The following HMCN1 variants were observed in gnomAD, a reference collection of about 807,000 sequenced individuals.
HMCN1 encodes hemicentin 1.
HMCN1 carries 321 observed loss-of-function variants against 625.9 expected under a neutral mutation model. The ratio of observed to expected loss-of-function variants is 0.51; its 90% CI spans 0.47 to 0.56. The LOEUF is 0.56. Ranked by LOEUF, HMCN1 falls within the 20% of genes least tolerant of loss-of-function variation. The pLI, the probability that HMCN1 is intolerant of heterozygous loss-of-function variation, is 0.00. For synonymous variants in HMCN1, 2,425 were observed against 2,417.6 expected (o/e 1.00, Z -0.09); for missense variants, 6,588 against 6,887.3 (o/e 0.96, Z 1.54).
At chr1:186,045,182 A>G (rs1656481082) in intron 40 of HMCN1, among the ~76,000 whole-genome samples, 2 of 152,192 alleles carry the variant, frequency 1.3e-5, no homozygotes, top group Admixed American at 1.3e-4. Context: ...TATTTTGCAC[A>G]AGGTATTATC....
intron 14 of HMCN1, among the ~76,000 whole-genome samples, chr1:185,969,389 C>T (rs904130911): frequency 6.6e-6 from 1 of 152,102 alleles, no homozygotes; most frequent in African/African-American, 2.4e-5. Context: ...TTGTGACCTC[C>T]TTGCCTTTGA....
At chr1:186,112,090 G>A (rs868723270) in intron 71 of HMCN1, among the ~76,000 whole-genome samples, 1 of 152,134 alleles carries the variant, frequency 6.6e-6, no homozygotes, top group African/African-American at 2.4e-5. Context: ...AGACTTAATA[G>A]CAGAGATTAG....
At chr1:185,766,366 C>G (rs765832219) in intron 1 of HMCN1, among the ~76,000 whole-genome samples, 6 of 152,200 alleles carry the variant, frequency 3.9e-5, no homozygotes, top group Non-Finnish European at 8.8e-5. Context: ...ATAACCCAGC[C>G]AACTTGAGCC....
At chr1:185,809,475 G>A (rs898961360) in intron 1 of HMCN1, among the ~76,000 whole-genome samples, 1 of 151,534 alleles carries the variant, frequency 6.6e-6, no homozygotes, top group Admixed American at 6.6e-5. Flanking sequence ...ATATACATGT[G>A]ATTACATATA....
Position 186,001,545 on chromosome 1 carries a change from G to A in HMCN1, c.4201-49G>A, listed in dbSNP as rs750749795. 149 of 1,607,202 alleles carry A rather than the reference G, an allele frequency of 9.3e-5. 1 individual carries two copies. The Admixed American group carries it at 1.7e-3, about 19-fold the overall frequency. ...ACATTCTACTTCAATTTTTAATTAT[G>A]CATTTTTATTAGGATTGGAAATAAC... On this transcript the variant is annotated intron_variant, in intron 27 of 106. Transcript: ENST00000271588.
At chr1:186,132,541 G>A (rs950757053) in intron 86 of HMCN1, 132 bp downstream of exon 86, 7 of 730,202 alleles carry the variant, frequency 9.6e-6, no homozygotes, top group Admixed American at 8.2e-5. Flanking sequence ...TTAGTTTTCT[G>A]CTGCTGATGG....
At chr1:185,736,058 G>A (rs1653546407) in intron 1 of HMCN1, among the ~76,000 whole-genome samples, 1 of 152,088 alleles carries the variant, frequency 6.6e-6, no homozygotes, top group South Asian at 2.1e-4. Flanking sequence ...GTGTGATATC[G>A]GCAATCTGAA....
intron 26 of HMCN1, 32 bp downstream of exon 26, chr1:186,000,271 T>A: frequency 6.7e-7 from 1 of 1,489,886 alleles, no homozygotes; most frequent in Non-Finnish European, 9.4e-7. Context: ...TAACTGACTG[T>A]TTGCCAGTCT....
At chr1:186,067,007 C>T (rs1658160103) in intron 49 of HMCN1, among the ~76,000 whole-genome samples, 1 of 152,126 alleles carries the variant, frequency 6.6e-6, no homozygotes, top group Non-Finnish European at 1.5e-5. Context: ...ACCTGAAATT[C>T]CCATAAGCAC....
intron 1 of HMCN1, among the ~76,000 whole-genome samples, chr1:185,801,792 G>A (rs1658812894): frequency 1.3e-5 from 2 of 152,176 alleles, no homozygotes; most frequent in Admixed American, 6.5e-5. Flanking sequence ...AAGGTGTGGA[G>A]GGAGTTAAGG....
chr1:185,914,306 A>G (rs1471033290), intron 6 of HMCN1, among the ~76,000 whole-genome samples: 1 of 152,124 alleles, frequency 6.6e-6, no homozygotes, highest in Non-Finnish European at 1.5e-5. Flanking sequence ...CTTTCTCAAG[A>G]TGAGAAATGT....
At chr1:185,747,819 T>C (rs1654520906) in intron 1 of HMCN1, among the ~76,000 whole-genome samples, 1 of 152,192 alleles carries the variant, frequency 6.6e-6, no homozygotes, top group Admixed American at 6.5e-5. Flanking sequence ...GAGCAATTTT[T>C]CCATTAGCAG....
chr1:186,076,031 T>G (rs899129728), intron 53 of HMCN1, among the ~76,000 whole-genome samples: 1 of 152,178 alleles, frequency 6.6e-6, no homozygotes, highest in Non-Finnish European at 1.5e-5. Flanking sequence ...TTTAGCCTTC[T>G]TAGTAAGCCA....
intron 4 of HMCN1, among the ~76,000 whole-genome samples, chr1:185,888,018 T>A (rs1250062866): frequency 1.4e-5 from 2 of 140,712 alleles, no homozygotes; most frequent in East Asian, 3.9e-4. Flanking sequence ...TGTGAGATGG[T>A]ATCTCATTGT....
At chr1:185,910,157 G>A (rs1666333071) in intron 5 of HMCN1, among the ~76,000 whole-genome samples, 2 of 151,822 alleles carry the variant, frequency 1.3e-5, no homozygotes, top group Non-Finnish European at 2.9e-5. Flanking sequence ...CCTAATATTT[G>A]CAAAATAGTT....
intron 104 of HMCN1, 141 bp from the exon 105 acceptor site, chr1:186,182,025 GCT>G (rs1056853396): frequency 2.4e-5 from 20 of 834,144 alleles, no homozygotes; most frequent in Non-Finnish European, 3.2e-5. Flanking sequence ...ATAGAAAATA[GCT>G]CTGAGCATTT....
chr1:186,183,162 T>TGTAAA (rs1166284135), intron 105 of HMCN1, among the ~76,000 whole-genome samples: 2 of 152,236 alleles, frequency 1.3e-5, no homozygotes, highest in Non-Finnish European at 2.9e-5. Context: ...TATATCCTTT[T>TGTAAA]GTAAAGTATA....
intron 6 of HMCN1, among the ~76,000 whole-genome samples, chr1:185,915,673 A>AATGC (rs1666660725): frequency 6.6e-6 from 1 of 152,064 alleles, no homozygotes; most frequent in Non-Finnish European, 1.5e-5. Flanking sequence ...GCCAGAGCCT[A>AATGC]CTAATGCCTT....
At chr1:185,881,487 TG>T (rs2102391574) in intron 4 of HMCN1, among the ~76,000 whole-genome samples, 2 of 152,320 alleles carry the variant, frequency 1.3e-5, no homozygotes, top group East Asian at 1.9e-4. Context: ...CAGCTGAGTC[TG>T]GGGTCTTTAT....
Sources: allele counts gnomAD v4.1 joint callset (sites outside exome capture counted in the v4.1 genomes callset), GRCh38; gene constraint gnomAD v4.1.1; transcripts MANE v1.5; gene names NCBI Gene and HGNC (gene_info 2026-07-23, HGNC 2026-07-21).